Variants in PDGFD observed in about 807,000 individuals in gnomAD.
PDGFD encodes the protein platelet derived growth factor D.
Under a neutral mutation model 44.7 loss-of-function variants are expected in PDGFD, and 30 were observed. That is an observed-to-expected ratio of 0.67 (90% CI 0.50 to 0.91). The LOEUF is 0.91. PDGFD is among the 40% of genes least tolerant of loss of function. The probability of loss-of-function intolerance (pLI) is 0.00; values close to 1 mark genes in which losing one functional copy is unlikely to be tolerated. For missense variants in PDGFD, 445 were observed against 457.8 expected (o/e 0.97, Z 0.25); for synonymous variants, 173 against 168.4 (o/e 1.03, Z -0.21).
At chr11:103,957,036 T>C (rs1193454780) in intron 3 of PDGFD, among the ~76,000 whole-genome samples, 1 of 152,204 alleles carries the variant, frequency 6.6e-6, no homozygotes, top group Non-Finnish European at 1.5e-5. Flanking sequence ...GTAGTTTCTT[T>C]TGCTGTGCAG....
intron 6 of PDGFD, among the ~76,000 whole-genome samples, chr11:103,919,756 G>A (rs1467509459): frequency 6.6e-6 from 1 of 151,802 alleles, no homozygotes; most frequent in Non-Finnish European, 1.5e-5. Flanking sequence ...TGATCTGCCT[G>A]CCTCAGCCTC....
intron 5 of PDGFD, among the ~76,000 whole-genome samples, chr11:103,941,167 C>T (rs1858578101): frequency 6.6e-6 from 1 of 151,970 alleles, no homozygotes; most frequent in African/African-American, 2.4e-5. Context: ...CAATATATAT[C>T]CCAGTCTCAC....
chr11:103,941,847 T>C (rs1311414955), intron 5 of PDGFD, among the ~76,000 whole-genome samples: 1 of 152,136 alleles, frequency 6.6e-6, no homozygotes, highest in Non-Finnish European at 1.5e-5. Flanking sequence ...TATTTTTATA[T>C]AAAATTTCCT....
At chr11:104,035,561 C>CTTT (rs3050598) in intron 1 of PDGFD, among the ~76,000 whole-genome samples, 29 of 115,260 alleles carry the variant, frequency 2.5e-4, no homozygotes, top group African/African-American at 4.1e-4. Context: ...ACTTCTTTTT[C>CTTT]TTTTTTTTTT....
chr11:104,070,930 A>G (rs1387888158), intron 1 of PDGFD, among the ~76,000 whole-genome samples: 2 of 152,162 alleles, frequency 1.3e-5, no homozygotes, highest in African/African-American at 2.4e-5. Flanking sequence ...TGCGGTGTAA[A>G]AAGGTAAATG....
At chr11:104,012,487 G>A (rs1249893110) in intron 1 of PDGFD, among the ~76,000 whole-genome samples, 1 of 152,136 alleles carries the variant, frequency 6.6e-6, no homozygotes, top group Non-Finnish European at 1.5e-5. Flanking sequence ...CTCCCCCAAA[G>A]CTATTACTAA....
chr11:103,919,037 A>G (rs1858168518), intron 6 of PDGFD, among the ~76,000 whole-genome samples: 1 of 152,176 alleles, frequency 6.6e-6, no homozygotes, highest in Non-Finnish European at 1.5e-5. Flanking sequence ...ACAACCAGAA[A>G]TAACAAATCC....
chr11:104,026,037 G>A (rs1317279822), intron 1 of PDGFD, among the ~76,000 whole-genome samples: 2 of 152,196 alleles, frequency 1.3e-5, no homozygotes, highest in African/African-American at 2.4e-5. Context: ...AGGAAGGGCT[G>A]TGTTCCTGCC....
chr11:104,120,929 C>A (rs1326788331), intron 1 of PDGFD, among the ~76,000 whole-genome samples: 1 of 151,958 alleles, frequency 6.6e-6, no homozygotes, highest in Admixed American at 6.6e-5. Context: ...TCCTCCACAG[C>A]TCAAATGTAA....
chr11:104,068,845 C>T (rs959819716), intron 1 of PDGFD, among the ~76,000 whole-genome samples: 3 of 151,844 alleles, frequency 2.0e-5, no homozygotes, highest in Non-Finnish European at 1.5e-5. Context: ...TGTGTGTCTG[C>T]GTGTGTATTT....
At chr11:104,078,765 C>G (rs1861003812) in intron 1 of PDGFD, among the ~76,000 whole-genome samples, 1 of 151,918 alleles carries the variant, frequency 6.6e-6, no homozygotes, top group African/African-American at 2.4e-5. Flanking sequence ...CTAAAATGGT[C>G]TTTATAGTAA....
intron 1 of PDGFD, among the ~76,000 whole-genome samples, chr11:104,091,851 G>C (rs1252477531): frequency 6.6e-6 from 1 of 152,180 alleles, no homozygotes; most frequent in East Asian, 1.9e-4. Flanking sequence ...TGAGGATTGA[G>C]TAAGCTGTCA....
intron 1 of PDGFD, among the ~76,000 whole-genome samples, chr11:104,083,372 CA>C (rs1861075280): frequency 1.3e-5 from 2 of 152,110 alleles, no homozygotes; most frequent in African/African-American, 4.8e-5. Flanking sequence ...TTATAAGTGA[CA>C]AAAACATTTA....
At chr11:103,934,806 A>T (rs949399683) in intron 5 of PDGFD, among the ~76,000 whole-genome samples, 3 of 152,092 alleles carry the variant, frequency 2.0e-5, no homozygotes, top group African/African-American at 7.2e-5. Flanking sequence ...TGTGGGGATT[A>T]TGGGGATTAT....
chr11:104,113,955 A>AT (rs1262485396), intron 1 of PDGFD, among the ~76,000 whole-genome samples: 5 of 151,842 alleles, frequency 3.3e-5, no homozygotes, highest in Non-Finnish European at 7.4e-5. Context: ...TTGTTTTCTT[A>AT]TTTTTGAGTG....
chr11:103,999,281 T>C (rs922710135), intron 2 of PDGFD, among the ~76,000 whole-genome samples: 1 of 151,968 alleles, frequency 6.6e-6, no homozygotes, highest in African/African-American at 2.4e-5. Flanking sequence ...TCATTGGCAA[T>C]GCAGAACAAG....
At chr11:103,952,528 C>T (rs373954580) in intron 3 of PDGFD, among the ~76,000 whole-genome samples, 1 of 152,060 alleles carries the variant, frequency 6.6e-6, no homozygotes, top group Non-Finnish European at 1.5e-5. Context: ...GCTGTGTGTA[C>T]CTTACTGTAC....
chr11:103,929,378 CT>C (rs1858366784), intron 5 of PDGFD, among the ~76,000 whole-genome samples: 1 of 152,142 alleles, frequency 6.6e-6, no homozygotes, highest in African/African-American at 2.4e-5. Context: ...TGGCCACATC[CT>C]TATCTTCAGA....
intron 3 of PDGFD, among the ~76,000 whole-genome samples, chr11:103,965,535 C>T (rs1859005327): frequency 6.6e-6 from 1 of 152,136 alleles, no homozygotes; most frequent in Admixed American, 6.5e-5. Flanking sequence ...ATATCGTGTG[C>T]ACTGCTATGT....
Sources: allele counts gnomAD v4.1 joint callset (sites outside exome capture counted in the v4.1 genomes callset), GRCh38; gene constraint gnomAD v4.1.1; transcripts MANE v1.5; gene names NCBI Gene and HGNC (gene_info 2026-07-23, HGNC 2026-07-21).